The following CPEB3 variants were observed in gnomAD, a reference collection of about 807,000 sequenced individuals.
CPEB3 encodes cytoplasmic polyadenylation element-binding protein 3.
In CPEB3, 20 loss-of-function variants were observed where a neutral mutation model predicts 67.2. That is an observed-to-expected ratio of 0.30 (90% confidence interval 0.21 to 0.43). The LOEUF (loss-of-function observed/expected upper bound fraction) is 0.43. Ranked by LOEUF, CPEB3 falls within the 20% of genes least tolerant of loss-of-function variation. The pLI is 1.00. For synonymous variants in CPEB3, 376 were observed against 393.1 expected (o/e 0.96, Z 0.51); for missense variants, 746 against 968.6 (o/e 0.77, Z 3.05).
chr10:92,100,687 G>C (rs1844140233), intron 7 of CPEB3, among the ~76,000 whole-genome samples: 1 of 151,852 alleles, frequency 6.6e-6, no homozygotes, highest in African/African-American at 2.4e-5. Flanking sequence ...CGCCTCCCGG[G>C]TTCACACCAT....
intron 2 of CPEB3, among the ~76,000 whole-genome samples, chr10:92,226,855 G>C (rs574063351): frequency 1.3e-5 from 2 of 151,698 alleles, no homozygotes; most frequent in African/African-American, 4.9e-5. Context: ...GTGGGGGTGG[G>C]GGCCTGGAAG....
At chr10:92,155,474 C>CA (rs967706624) in intron 4 of CPEB3, among the ~76,000 whole-genome samples, 9 of 152,254 alleles carry the variant, frequency 5.9e-5, no homozygotes, top group Admixed American at 1.3e-4. Context: ...GAATACATCT[C>CA]AGAGAATAAG....
chr10:92,066,964 G>A (rs895918283), intron 9 of CPEB3, among the ~76,000 whole-genome samples: 5 of 150,768 alleles, frequency 3.3e-5, no homozygotes, highest in Non-Finnish European at 7.4e-5. Context: ...CAGGAGAATT[G>A]CTTGAACCTG....
chr10:92,119,054 C>T, intron 6 of CPEB3: 2 of 1,567,284 alleles, frequency 1.3e-6, no homozygotes, highest in Non-Finnish European at 1.8e-6. Context: ...TGGGGTCTGA[C>T]ACTTGATGTG....
chr10:92,245,567 G>C (rs1055897168), intron 1 of CPEB3, among the ~76,000 whole-genome samples: 2 of 152,156 alleles, frequency 1.3e-5, no homozygotes, highest in East Asian at 1.9e-4. Context: ...TGTGACCTTA[G>C]CTTATATTTC....
chr10:92,097,463 A>T (rs1415057239), intron 7 of CPEB3, among the ~76,000 whole-genome samples: 1 of 152,188 alleles, frequency 6.6e-6, no homozygotes, highest in East Asian at 1.9e-4. Flanking sequence ...ATTCCTATGG[A>T]AGCTCTCCTG....
intron 9 of CPEB3, among the ~76,000 whole-genome samples, chr10:92,079,146 G>A (rs991168166): frequency 6.6e-6 from 1 of 152,174 alleles, no homozygotes; most frequent in Non-Finnish European, 1.5e-5. Context: ...TGATGGTTGC[G>A]ATAGAGGTCT....
chr10:92,174,225 T>C (rs897087263), intron 4 of CPEB3, among the ~76,000 whole-genome samples: 4 of 152,186 alleles, frequency 2.6e-5, no homozygotes, highest in African/African-American at 4.8e-5. Flanking sequence ...CCCAAGGAGT[T>C]CACTCCCAGC....
intron 1 of CPEB3, 24 bp from the exon 2 acceptor site, chr10:92,240,385 G>A: frequency 2.8e-6 from 4 of 1,437,672 alleles, no homozygotes; most frequent in Non-Finnish European, 3.7e-6. Flanking sequence ...AAAGAGAGAC[G>A]CGTTATTGTC....
chr10:92,217,236 T>C (rs1164728908), intron 2 of CPEB3, among the ~76,000 whole-genome samples: 1 of 90,926 alleles, frequency 1.1e-5, no homozygotes, highest in African/African-American at 6.4e-5. Context: ...AAAAAAAAAT[T>C]ATATATATAT....
intron 9 of CPEB3, among the ~76,000 whole-genome samples, chr10:92,066,959 G>T (rs1257901912): frequency 2.0e-5 from 3 of 151,930 alleles, no homozygotes; most frequent in Admixed American, 6.6e-5. Flanking sequence ...TGAGGCAGGA[G>T]AATTGCTTGA....
chr10:92,258,629 T>C (rs1484138478), intron 1 of CPEB3, among the ~76,000 whole-genome samples: 1 of 4,436 alleles, frequency 2.3e-4, no homozygotes, highest in Admixed American at 1.9e-3. Flanking sequence ...TTTTTGAATA[T>C]ATATATATAT....
intron 2 of CPEB3, among the ~76,000 whole-genome samples, chr10:92,238,607 C>T (rs574812478): frequency 1.5e-4 from 22 of 145,848 alleles, no homozygotes; most frequent in Non-Finnish European, 1.9e-4. Flanking sequence ...AAGGTCACGT[C>T]CTATTGTCTC....
chr10:92,104,980 A>G (rs2133422575), intron 7 of CPEB3, among the ~76,000 whole-genome samples: 1 of 152,052 alleles, frequency 6.6e-6, no homozygotes, highest in South Asian at 2.1e-4. Context: ...AGCTCACTGC[A>G]GCCTCGGACT....
chr10:92,165,178 G>T (rs1482871477), intron 4 of CPEB3, among the ~76,000 whole-genome samples: 1 of 152,080 alleles, frequency 6.6e-6, no homozygotes, highest in Non-Finnish European at 1.5e-5. Context: ...CTAGCACAGT[G>T]GCTCATACCT....
chr10:92,191,653 T>C (rs1038989711), intron 3 of CPEB3, among the ~76,000 whole-genome samples: 1 of 152,152 alleles, frequency 6.6e-6, no homozygotes, highest in African/African-American at 2.4e-5. Context: ...TTGAAAGACA[T>C]AATGGTTCAT....
chr10:92,073,650 G>C (rs1189204051), intron 9 of CPEB3, among the ~76,000 whole-genome samples: 3 of 151,424 alleles, frequency 2.0e-5, no homozygotes, highest in Non-Finnish European at 4.4e-5. Flanking sequence ...GTCTTGTTAT[G>C]TTGCCCAGGC....
chr10:92,168,791 CTT>C (rs748498383), intron 4 of CPEB3, among the ~76,000 whole-genome samples: 24 of 118,374 alleles, frequency 2.0e-4, no homozygotes, highest in South Asian at 8.2e-4. Flanking sequence ...ACCTCTTGCC[CTT>C]TTTTTTTTTT....
chr10:92,127,793 G>T (rs1172045176), intron 6 of CPEB3, among the ~76,000 whole-genome samples: 2 of 152,118 alleles, frequency 1.3e-5, no homozygotes, highest in South Asian at 2.1e-4. Flanking sequence ...AGTCAGTGTG[G>T]CCATAGTGGG....
Sources: gnomAD v4.1 joint callset for allele counts (sites outside exome capture counted in the v4.1 genomes callset) on GRCh38, gnomAD v4.1.1 for gene constraint, MANE v1.5 for transcripts, NCBI Gene and HGNC (gene_info 2026-07-23, HGNC 2026-07-21) for gene names.